The following LATS2 variants were observed in gnomAD, a reference collection of about 807,000 sequenced individuals.
LATS2 encodes large tumor suppressor kinase 2.
In LATS2, 24 loss-of-function variants were observed where a neutral mutation model predicts 76.0. The ratio of observed to expected loss-of-function variants is 0.32; its 90% CI spans 0.23 to 0.44. The LOEUF (loss-of-function observed/expected upper bound fraction) is 0.44, where lower values mean the gene tolerates loss of function less well. Among genes scored for constraint, LATS2 ranks in the 20% least tolerant of loss-of-function variants. The probability of loss-of-function intolerance (pLI) is 1.00; values close to 1 mark genes in which losing one functional copy is unlikely to be tolerated. For synonymous variants in LATS2, 692 were observed against 635.4 expected, an observed-to-expected ratio of 1.09 and a Z score of -1.34; for missense variants, 1,286 against 1,481.2, an observed-to-expected ratio of 0.87 and a Z score of 2.16.
At chr13:21,018,962 G>A (rs989255790) in intron 2 of LATS2, among the ~76,000 whole-genome samples, 1 of 151,976 alleles carries the variant, frequency 6.6e-6, no homozygotes, top group Non-Finnish European at 1.5e-5. Context: ...CCCTCTTTAC[G>A]ACTAATTTTC....
At chr13:20,982,755 G>A (rs1360822700) in intron 5 of LATS2, among the ~76,000 whole-genome samples, 2 of 151,490 alleles carry the variant, frequency 1.3e-5, no homozygotes, top group Admixed American at 1.3e-4. Context: ...ACTTTGGGAG[G>A]CGGAGGCAGG....
chr13:21,016,665 A>G (rs187408966), intron 2 of LATS2, among the ~76,000 whole-genome samples: 1 of 152,340 alleles, frequency 6.6e-6, no homozygotes, highest in East Asian at 1.9e-4. Flanking sequence ...AACCCCCAGG[A>G]AACAGCAGCT....
At chr13:21,043,660 T>G (rs1872966946) in intron 2 of LATS2, among the ~76,000 whole-genome samples, 1 of 152,220 alleles carries the variant, frequency 6.6e-6, no homozygotes, top group Admixed American at 6.5e-5. Context: ...TGATGGAAAC[T>G]TCATCGGTGT....
chr13:21,049,398 G>A (rs1176180323), intron 1 of LATS2, among the ~76,000 whole-genome samples: 1 of 152,158 alleles, frequency 6.6e-6, no homozygotes, highest in Non-Finnish European at 1.5e-5. Context: ...TTCAGGTCTG[G>A]AATGAAAGGC....
chr13:21,054,274 C>G (rs1873374928), intron 1 of LATS2, among the ~76,000 whole-genome samples: 1 of 152,124 alleles, frequency 6.6e-6, no homozygotes, highest in Non-Finnish European at 1.5e-5. Flanking sequence ...GCCTGGCCAA[C>G]ATGGCAAAAC....
intron 2 of LATS2, among the ~76,000 whole-genome samples, chr13:21,024,510 A>G (rs1327119301): frequency 6.6e-6 from 1 of 152,086 alleles, no homozygotes; most frequent in African/African-American, 2.4e-5. Context: ...AGTGGGGTTC[A>G]GTGGCGGTTC....
Position 20,991,942 on chromosome 13 carries a change from G to C in LATS2, c.343-538C>G, listed in dbSNP as rs1048653990. Among the ~76,000 whole-genome samples the C allele has an allele frequency of 6.6e-6, 1 of 152,202 alleles. No homozygotes were observed. Among genetic ancestry groups the C allele is most frequent in the Non-Finnish European group, 1.5e-5 (1 of 68,048 alleles). On this transcript the variant is annotated intron_variant, in intron 2 of 7. Transcript: ENST00000382592. This position sits in a 1 kb window ranked among gnomAD's most constrained non-coding sequence, Gnocchi z 4.9. ...GCGGAGGACTGGCCCTTAGAGATCTGACTCGTAGAAGAAAGAAAGGAGACA... is the reference window on the plus strand; with the variant it reads ...GCGGAGGACTGGCCCTTAGAGATCTCACTCGTAGAAGAAAGAAAGGAGACA...
At chr13:20,985,674 G>T (rs1481767127) in intron 4 of LATS2, among the ~76,000 whole-genome samples, 1 of 152,072 alleles carries the variant, frequency 6.6e-6, no homozygotes, top group Non-Finnish European at 1.5e-5. Context: ...GAAGGCAGAG[G>T]TTGCAGTGAG....
intron 2 of LATS2, among the ~76,000 whole-genome samples, chr13:21,024,092 G>GAAAA: frequency 1.6e-5 from 1 of 63,816 alleles, no homozygotes; most frequent in Non-Finnish European, 2.6e-5. Flanking sequence ...GTCTCGCTGT[G>GAAAA]CAAAAAAAAA....
At chr13:21,012,957 A>G (rs1347197777) in intron 2 of LATS2, among the ~76,000 whole-genome samples, 1 of 152,200 alleles carries the variant, frequency 6.6e-6, no homozygotes, top group Non-Finnish European at 1.5e-5. Context: ...TTCTATTGCA[A>G]AGCAATTAGT....
At chr13:21,052,950 C>T (rs537000133) in intron 1 of LATS2, among the ~76,000 whole-genome samples, 3 of 152,152 alleles carry the variant, frequency 2.0e-5, no homozygotes, top group Admixed American at 6.5e-5. Flanking sequence ...AAAAACCGAA[C>T]GCTGGGCCGG....
chr13:21,040,678 G>C (rs895364890), intron 2 of LATS2, among the ~76,000 whole-genome samples: 5 of 152,148 alleles, frequency 3.3e-5, no homozygotes, highest in Admixed American at 2.0e-4. Flanking sequence ...GATAAGACCA[G>C]GGTCTGGGAG....
intron 2 of LATS2, among the ~76,000 whole-genome samples, chr13:21,025,838 A>G (rs1872291619): frequency 6.6e-6 from 1 of 152,190 alleles, no homozygotes; most frequent in East Asian, 1.9e-4. Context: ...TGGAGATGCT[A>G]CTGATGGCCA....
rs771278507 is a variant in LATS2, at chr13:20,975,299, G to A, written c.2838C>T (p.Asp946=). 1.3e-5 allele frequency: 21 copies of A among 1,610,320 alleles called. No homozygotes were observed. The highest frequency in any genetic ancestry group is 1.8e-5 in the Non-Finnish European group (21 of 1,177,812). ...AQVKLSPEAR[D]LITKLCCSAD... ...CGGAGCAGCACAGCTTGGTGATGAG[G>A]TCCCTGGCCTCAGGGCTCAGCTTCA... Residue 946 remains aspartate (D), a synonymous_variant, in exon 8 of 8, where the codon GAC becomes GAT. Transcript: ENST00000382592.
At chr13:21,050,389 G>A (rs1595258190) in intron 1 of LATS2, among the ~76,000 whole-genome samples, 2 of 152,020 alleles carry the variant, frequency 1.3e-5, no homozygotes, top group African/African-American at 4.8e-5. Context: ...CAGACCAAGG[G>A]GAACCACCTT....
chr13:21,007,699 A>ATATATT (rs1173839566), intron 2 of LATS2, among the ~76,000 whole-genome samples: 1 of 586 alleles, frequency 1.7e-3, no homozygotes, highest in Admixed American at 0.12. Context: ...ATATATATAT[A>ATATATT]GTATGTATAT....
intron 2 of LATS2, among the ~76,000 whole-genome samples, chr13:21,040,630 T>G (rs1027232825): frequency 1.3e-5 from 2 of 152,052 alleles, no homozygotes; most frequent in Non-Finnish European, 2.9e-5. Context: ...GCTGAGACAC[T>G]GCAGAGAGCT....
intron 2 of LATS2, among the ~76,000 whole-genome samples, chr13:21,019,322 A>ATTC (rs1362492025): frequency 6.2e-5 from 9 of 146,226 alleles, no homozygotes; most frequent in African/African-American, 2.3e-4. Flanking sequence ...TATTATTATT[A>ATTC]TTATTATTAT....
At chr13:21,014,768 A>T (rs568981690) in intron 2 of LATS2, among the ~76,000 whole-genome samples, 7 of 152,262 alleles carry the variant, frequency 4.6e-5, no homozygotes, top group Non-Finnish European at 7.3e-5. Context: ...TTTTTAAAAA[A>T]GAATGTTTGT....
Sources: gnomAD v4.1 joint callset for allele counts (sites outside exome capture counted in the v4.1 genomes callset) on GRCh38, gnomAD v4.1.1 for gene constraint, Gnocchi (gnomAD v3.1) non-coding constraint, MANE v1.5 for transcripts, NCBI Gene and HGNC (gene_info 2026-07-23, HGNC 2026-07-21) for gene names.